Variants in ETV2 observed in about 807,000 individuals in gnomAD.
ETV2 encodes ETS variant transcription factor 2.
Under a neutral mutation model 35.7 loss-of-function variants are expected in ETV2, and 34 were observed. That is an observed-to-expected ratio of 0.95 (90% CI 0.72 to 1.27). The LOEUF is 1.27. ETV2 is among the 50% of genes most tolerant of loss of function. The pLI is 0.00. For missense variants in ETV2, 512 were observed against 470.5 expected (o/e 1.09, Z -0.82); for synonymous variants, 207 against 203.9 (o/e 1.02, Z -0.13).
chr19:35,644,185 T>C lies in ETV2; in HGVS notation c.716-50T>C. On this transcript the variant is annotated intron_variant, in intron 5 of 6. Coordinates refer to ENST00000402764, the MANE Select transcript of ETV2 (RefSeq NM_014209.4). This position sits in a 1 kb window ranked among gnomAD's most constrained non-coding sequence, Gnocchi z 4.7. ...CCGGACCTCTAGATCATTGAAGTGG[T>C]GTGATCTAGGGCCGGGAAGACTGAG... 1 of 1,242,338 alleles carries C rather than the reference T, an allele frequency of 8.0e-7. No individual in the cohort carries two copies. Among genetic ancestry groups the C allele is most frequent in the Non-Finnish European group, 1.2e-6 (1 of 866,506 alleles). 77.0% of individuals were successfully genotyped at this position (1,242,338 alleles called of 1,614,324 possible).
rs913201252 is a variant in ETV2, at chr19:35,644,133, G to C, written c.716-102G>C. 12 of 802,282 alleles carry C rather than the reference G, an allele frequency of 1.5e-5. No individual in the cohort carries two copies. The African/African-American group carries it at 2.0e-4, about 14-fold the overall frequency. The allele number at this position is 802,282 out of a possible 1,614,324, so 49.7% of individuals were successfully genotyped here. On this transcript the variant is annotated intron_variant, in intron 5 of 6. Transcript: ENST00000402764. This position sits in a 1 kb window ranked among gnomAD's most constrained non-coding sequence, Gnocchi z 4.7. Reference sequence around the variant, plus strand: ...AGAAGGGGGGGCGGATCCCCTTCTCGGGTCCTGGGTCCCGAGTTGGGAGGA... The same window carrying C: ...AGAAGGGGGGGCGGATCCCCTTCTCCGGTCCTGGGTCCCGAGTTGGGAGGA...
Position 35,643,878 on chromosome 19 carries a change from C to T in ETV2, c.715+125C>T. ...GGCGGGGGCTTAGGGACCAGGGGCT[C>T]GAAGGAGGGGCCGGTGGCCCGCACT... On this transcript the variant is annotated intron_variant, in intron 5 of 6. Transcript: ENST00000402764. The surrounding 1 kb of genome is among the most constrained non-coding windows in gnomAD (Gnocchi z 5.0). 5 of 1,390,586 alleles carry T rather than the reference C, an allele frequency of 3.6e-6. No individual in the cohort carries two copies. Among genetic ancestry groups the T allele is most frequent in the South Asian group, 1.2e-5 (1 of 80,830 alleles). 86.1% of individuals were successfully genotyped at this position (1,390,586 alleles called of 1,614,324 possible). A position where few individuals can be genotyped will look rare whatever the true frequency, so the allele number is the denominator to read the frequency against.
Position 35,642,253 on chromosome 19 carries a change from T to C in ETV2, c.-28+97T>C. 1 of 511,332 alleles carries C rather than the reference T, an allele frequency of 2.0e-6. No homozygotes were observed. Among genetic ancestry groups the C allele is most frequent in the East Asian group, 3.4e-5 (1 of 29,098 alleles). The allele number at this position is 511,332 out of a possible 1,614,324, so 31.7% of individuals were successfully genotyped here. On this transcript the variant is annotated intron_variant, in intron 1 of 6. Transcript: ENST00000402764. This position sits in a 1 kb window ranked among gnomAD's most constrained non-coding sequence, Gnocchi z 4.4. ...GAAGCCGGGGGCCTGGACTCCTGGG[T>C]CTAACAGAGGAAGAGAGCTGGGGTC...
Position 35,643,800 on chromosome 19 carries a change from A to T in ETV2, c.715+47A>T, listed in dbSNP as rs776624371. The T allele has an allele frequency of 6.2e-7, 1 of 1,608,978 alleles. No homozygotes were observed. The highest frequency in any genetic ancestry group is 1.7e-5 in the Admixed American group (1 of 58,970). On this transcript the variant is annotated intron_variant, in intron 5 of 6. Coordinates refer to ENST00000402764, the MANE Select transcript of ETV2 (RefSeq NM_014209.4). This position sits in a 1 kb window ranked among gnomAD's most constrained non-coding sequence, Gnocchi z 5.0. ...CGGGGAGGGCGAAGCTGGAGTCCTG[A>T]GCCGGGACCCAGGCACCTAAGGGGG...
chr19:35,641,869 C>T lies in ETV2; in HGVS notation c.-315C>T, dbSNP rs1198834265. ...AGCCCCCCGCCCCGCCCCCATCACC[C>T]CGTAAACTTCTCCCAGCCTCCGCCC... is the stretch of plus-strand genomic sequence containing the variant. On this transcript the variant is annotated 5_prime_UTR_variant, in exon 1 of 7. Coordinates refer to ENST00000402764, the MANE Select transcript of ETV2 (RefSeq NM_014209.4). 9 of 152,002 alleles carry T rather than the reference C, an allele frequency of 5.9e-5. No homozygotes were observed. The highest frequency in any genetic ancestry group is 3.3e-4 in the Admixed American group (5 of 15,222). 9.4% of individuals were successfully genotyped at this position (152,002 alleles called of 1,614,324 possible).
chr19:35,644,298 T>A lies in ETV2; in HGVS notation c.779T>A (p.Ile260Asn). 6.4e-7 allele frequency: 1 copy of A among 1,558,286 alleles called. No individual in the cohort carries two copies. The part of the protein sequence containing the change: ...LLHDGARSSC[I>N]RWTGNSREFQ... ...CACGACGGGGCGCGTAGCAGCTGCA[T>A]CCGTTGGACTGGCAACAGCCGCGAG... Residue 260 changes from isoleucine (I) to asparagine (N), a missense_variant, in exon 6 of 7, where the codon ATC (isoleucine) becomes AAC (asparagine). Transcript: ENST00000402764. The surrounding 1 kb of genome is among the most constrained non-coding windows in gnomAD (Gnocchi z 4.7).
chr19:35,643,724 T>C lies in ETV2; in HGVS notation c.686T>C (p.Leu229Ser). Residue 229 changes from leucine to serine, a missense_variant, in exon 5 of 7, where the codon TTG becomes TCG. Coordinates refer to ENST00000402764, the MANE Select transcript of ETV2 (RefSeq NM_014209.4). This position sits in a 1 kb window ranked among gnomAD's most constrained non-coding sequence, Gnocchi z 5.0. ...AGCCCGCAGTCGGACCGTGCCAGTTTGGCTCGATGCCCCAAAACTAACCAC... is the reference window on the plus strand; with the variant it reads ...AGCCCGCAGTCGGACCGTGCCAGTTCGGCTCGATGCCCCAAAACTAACCAC... The part of the protein sequence containing the change: ...EPSPQSDRAS[L>S]ARCPKTNHRG... 1.2e-6 allele frequency: 2 copies of C among 1,613,760 alleles called. No homozygotes were observed. Among genetic ancestry groups the C allele is most frequent in the Non-Finnish European group, 1.7e-6 (2 of 1,179,814 alleles).
In ETV2 at chr19:35,643,101, C is replaced by T; in HGVS notation, c.235+56C>T. ...GGACTGGGGTCCCGAGGCACCGGGG[C>T]TAGAGGTGTAGACTCCCTGATCTTT... is the stretch of plus-strand genomic sequence containing the variant. On this transcript the variant is annotated intron_variant, in intron 4 of 6. Transcript: ENST00000402764. This position sits in a 1 kb window ranked among gnomAD's most constrained non-coding sequence, Gnocchi z 5.0. The T allele has an allele frequency of 7.2e-7, 1 of 1,391,308 alleles. No individual in the cohort carries two copies. The highest frequency in any genetic ancestry group is 9.9e-7 in the Non-Finnish European group (1 of 1,009,706). The allele number at this position is 1,391,308 out of a possible 1,614,324, so 86.2% of individuals were successfully genotyped here. A position where few individuals can be genotyped will look rare whatever the true frequency, so the allele number is the denominator to read the frequency against.
Position 35,643,522 on chromosome 19 carries a change from G to A in ETV2, c.484G>A (p.Gly162Ser), listed in dbSNP as rs1380295245. The change falls in exon 5 of 7, where the codon GGC becomes AGC. Residue 162 changes from glycine to serine, a missense_variant. Coordinates refer to ENST00000402764, the MANE Select transcript of ETV2 (RefSeq NM_014209.4). The surrounding 1 kb of genome is among the most constrained non-coding windows in gnomAD (Gnocchi z 5.0). ...TSWDCSVGPD[G>S]DTYWGSGLGG... The stretch of plus-strand genomic sequence containing the variant: ...CTGGGACTGTTCTGTGGGGCCCGAC[G>A]GCGATACCTACTGGGGCAGTGGCCT... 6.4e-7 allele frequency: 1 copy of A among 1,550,426 alleles called. No homozygotes were observed. Among genetic ancestry groups the A allele is most frequent in the Middle Eastern group, 1.7e-4 (1 of 5,986 alleles).
In ETV2 at chr19:35,644,732, T is replaced by C. The variant is rs777687829; in HGVS notation, c.909T>C (p.Tyr303=). The change falls in exon 7 of 7, where the codon TAT becomes TAC. Residue 303 remains tyrosine (Y), a synonymous_variant. Transcript: ENST00000402764. The surrounding 1 kb of genome is among the most constrained non-coding windows in gnomAD (Gnocchi z 4.7). ...EKLSRGLRYY[Y]RRDIVRKSGG... ...TGAGCCGGGGCCTTCGCTACTACTA[T>C]CGCCGCGACATCGTGCGCAAGAGCG... 9.3e-6 allele frequency: 15 copies of C among 1,608,456 alleles called. No individual in the cohort carries two copies. In the Admixed American group the frequency reaches 2.5e-4, roughly 27 times the overall value.
rs1967713765 is a variant in ETV2, at chr19:35,644,558, A to G, written c.829-94A>G. 5 of 1,244,766 alleles carry G rather than the reference A, an allele frequency of 4.0e-6. No homozygotes were observed. The South Asian group carries it at 6.1e-5, about 15-fold the overall frequency. The allele number at this position is 1,244,766 out of a possible 1,614,324, so 77.1% of individuals were successfully genotyped here. A position where few individuals can be genotyped will look rare whatever the true frequency, so the allele number is the denominator to read the frequency against. On this transcript the variant is annotated intron_variant, in intron 6 of 6. Transcript: ENST00000402764. This position sits in a 1 kb window ranked among gnomAD's most constrained non-coding sequence, Gnocchi z 4.7. ...CACCGGGCTCTGCGAGGCCTCGCCC[A>G]GGTCTGCACTGCACACCGCCCCCAG...
rs1419829490 is a variant in ETV2 at position 35,644,713 on chromosome 19, G to C, written c.890G>C (p.Arg297Pro). ...KPGMNYEKLSRGLRYYYRRDI... is the reference protein window; with the variant it reads ...KPGMNYEKLSPGLRYYYRRDI... ...GGCATGAATTACGAGAAGCTGAGCC[G>C]GGGCCTTCGCTACTACTATCGCCGC... The change falls in exon 7 of 7, where the codon CGG becomes CCG. Residue 297 changes from arginine to proline, a missense_variant. By Grantham distance (103) the Arg-to-Pro change is moderately radical. Transcript: ENST00000402764. The surrounding 1 kb of genome is among the most constrained non-coding windows in gnomAD (Gnocchi z 4.7). 11 of 1,604,880 alleles carry C rather than the reference G, an allele frequency of 6.9e-6. No individual in the cohort carries two copies. The highest frequency in any genetic ancestry group is 9.4e-6 in the Non-Finnish European group (11 of 1,175,018).
rs1449461574 is a variant in ETV2 at position 35,643,313 on chromosome 19, C to G, written c.275C>G (p.Thr92Arg). 1 of 1,602,498 alleles carries G rather than the reference C, an allele frequency of 6.2e-7. No individual in the cohort carries two copies. Among genetic ancestry groups the G allele is most frequent in the South Asian group, 1.1e-5 (1 of 89,250 alleles). The change falls in exon 5 of 7, where the codon ACA (threonine) becomes AGA (arginine). Residue 92 changes from threonine to arginine, a missense_variant. Thr to Arg is a moderately conservative substitution (Grantham distance 71). Coordinates refer to ENST00000402764, the MANE Select transcript of ETV2 (RefSeq NM_014209.4). This position sits in a 1 kb window ranked among gnomAD's most constrained non-coding sequence, Gnocchi z 5.0. ...SQALPWSGDWTDMACTAWDSW... is the reference protein window; with the variant it reads ...SQALPWSGDWRDMACTAWDSW... ...GCTCTTCCGTGGTCCGGGGACTGGA[C>G]AGACATGGCGTGCACAGCCTGGGAC...
Position 35,643,173 on chromosome 19 carries a change from G to T in ETV2, c.236-101G>T, listed in dbSNP as rs746385695. On this transcript the variant is annotated intron_variant, in intron 4 of 6. Coordinates refer to ENST00000402764, the MANE Select transcript of ETV2 (RefSeq NM_014209.4). This position sits in a 1 kb window ranked among gnomAD's most constrained non-coding sequence, Gnocchi z 5.0. ...CCTCAAGGTGGCATGACCTGGATCC[G>T]GGTCAGCCGGGCCCCAAGTGCCAGG... 3.6e-5 allele frequency: 54 copies of T among 1,481,734 alleles called. No homozygotes were observed. The highest frequency in any genetic ancestry group is 4.9e-5 in the Non-Finnish European group (54 of 1,101,990). The allele number at this position is 1,481,734 out of a possible 1,614,324, so 91.8% of individuals were successfully genotyped here.
chr19:35,644,669 CGA>C lies in ETV2; in HGVS notation c.848_849del (p.Glu283AlafsTer?). 6.2e-7 allele frequency: 1 copy of C among 1,604,954 alleles called. No homozygotes were observed. The highest frequency in any genetic ancestry group is 8.5e-7 in the Non-Finnish European group (1 of 1,174,684). ...TGTCCTAGGTGGCTCGGCTGTGGGG[CGA>C]GCGCAAGAGAAAGCCGGGCATGAAT... ...DPKEVARLWGERKRKPGMNYE... is the reference protein window; with the variant it reads ...DPKEVARLWGXRKRKPGMNYE... On this transcript the variant is annotated frameshift_variant, in exon 7 of 7. Transcript: ENST00000402764. LOFTEE classifies it low-confidence loss of function (END_TRUNC). The surrounding 1 kb of genome is among the most constrained non-coding windows in gnomAD (Gnocchi z 4.7).
chr19:35,642,928 G>C lies in ETV2; in HGVS notation c.155-37G>C, dbSNP rs745633744. On this transcript the variant is annotated intron_variant, in intron 3 of 6. Coordinates refer to ENST00000402764, the MANE Select transcript of ETV2 (RefSeq NM_014209.4). This position sits in a 1 kb window ranked among gnomAD's most constrained non-coding sequence, Gnocchi z 4.4. Reference sequence around the variant, plus strand: ...GAGACTAGAGAGTGGGTAGTTGAGGGGTCTCTTTCATTGCTCACAGTCCTC... The same window carrying C: ...GAGACTAGAGAGTGGGTAGTTGAGGCGTCTCTTTCATTGCTCACAGTCCTC... 2.0e-4 allele frequency: 251 copies of C among 1,285,768 alleles called. No homozygotes were observed. Among genetic ancestry groups the C allele is most frequent in the Non-Finnish European group, 1.4e-4 (128 of 904,012 alleles). 79.6% of individuals were successfully genotyped at this position (1,285,768 alleles called of 1,614,324 possible). A position where few individuals can be genotyped will look rare whatever the true frequency, so the allele number is the denominator to read the frequency against.
Position 35,644,135 on chromosome 19 carries a change from G to C in ETV2, c.716-100G>C. 1.2e-6 allele frequency: 1 copy of C among 821,726 alleles called. No homozygotes were observed. The highest frequency in any genetic ancestry group is 2.0e-5 in the Admixed American group (1 of 49,984). The allele number at this position is 821,726 out of a possible 1,614,324, so 50.9% of individuals were successfully genotyped here. ...AAGGGGGGGCGGATCCCCTTCTCGG[G>C]TCCTGGGTCCCGAGTTGGGAGGACC... On this transcript the variant is annotated intron_variant, in intron 5 of 6. Transcript: ENST00000402764. This position sits in a 1 kb window ranked among gnomAD's most constrained non-coding sequence, Gnocchi z 4.7.
rs1450873583 is a variant in ETV2, at chr19:35,643,291, C to T, written c.253C>T (p.Leu85Phe). The change falls in exon 5 of 7, where the codon CTT becomes TTT. Residue 85 changes from leucine (L) to phenylalanine (F), a missense_variant. Physicochemically the swap from Leu to Phe is conservative, Grantham distance 22. Coordinates refer to ENST00000402764, the MANE Select transcript of ETV2 (RefSeq NM_014209.4). This position sits in a 1 kb window ranked among gnomAD's most constrained non-coding sequence, Gnocchi z 5.0. ...PWGAEPDSQA[L>F]PWSGDWTDMA... ...CCTCACAGAGCCCGACTCTCAGGCT[C>T]TTCCGTGGTCCGGGGACTGGACAGA... 1 of 1,600,728 alleles carries T rather than the reference C, an allele frequency of 6.2e-7. No homozygotes were observed. The highest frequency in any genetic ancestry group is 8.5e-7 in the Non-Finnish European group (1 of 1,175,830).
rs746385695 is a variant in ETV2 at position 35,643,173 on chromosome 19, G to C, written c.236-101G>C. 6.7e-7 allele frequency: 1 copy of C among 1,481,732 alleles called. No individual in the cohort carries two copies. Among genetic ancestry groups the C allele is most frequent in the African/African-American group, 1.4e-5 (1 of 70,594 alleles). The allele number at this position is 1,481,732 out of a possible 1,614,324, so 91.8% of individuals were successfully genotyped here. On this transcript the variant is annotated intron_variant, in intron 4 of 6. Coordinates refer to ENST00000402764, the MANE Select transcript of ETV2 (RefSeq NM_014209.4). This position sits in a 1 kb window ranked among gnomAD's most constrained non-coding sequence, Gnocchi z 5.0. ...CCTCAAGGTGGCATGACCTGGATCC[G>C]GGTCAGCCGGGCCCCAAGTGCCAGG...
Sources: gnomAD v4.1 joint callset for allele counts on GRCh38, gnomAD v4.1.1 for gene constraint, Gnocchi (gnomAD v3.1) non-coding constraint, MANE v1.5 for transcripts, NCBI Gene and HGNC (gene_info 2026-07-23, HGNC 2026-07-21) for gene names.